The following MANEAL variants were observed in gnomAD, a reference collection of about 807,000 sequenced individuals.
MANEAL encodes the protein mannosidase endo-alpha like.
MANEAL carries 28 observed loss-of-function variants against 35.9 expected under a neutral mutation model. The observed-to-expected ratio is 0.78, with a 90% CI of 0.58 to 1.07. The LOEUF (loss-of-function observed/expected upper bound fraction) is 1.07, where lower values mean the gene tolerates loss of function less well. Ranked by LOEUF, MANEAL falls within the 50% of genes least tolerant of loss-of-function variation. The probability of loss-of-function intolerance (pLI) is 0.00; values close to 1 mark genes in which losing one functional copy is unlikely to be tolerated. For synonymous variants in MANEAL, 286 were observed against 272.2 expected (o/e 1.05, Z -0.50); for missense variants, 576 against 629.6 (o/e 0.91, Z 0.91).
chr1:37,794,243 G>T lies in MANEAL; in HGVS notation c.61G>T (p.Gly21Cys), dbSNP rs1355582441. 10 of 1,334,918 alleles carry T rather than the reference G, an allele frequency of 7.5e-6. No homozygotes were observed. Among genetic ancestry groups the T allele is most frequent in the Non-Finnish European group, 2.9e-6 (3 of 1,025,604 alleles). 82.7% of individuals were successfully genotyped at this position (1,334,918 alleles called of 1,614,324 possible). A position where few individuals can be genotyped will look rare whatever the true frequency, so the allele number is the denominator to read the frequency against. ...GTTCCTGGTGCTGCTCTTCGCCTTC[G>T]GCACCCTCATGGGTCTGCGCACGCT... ...ALFLVLLFAF[G>C]TLMGLRTLKA... The change falls in exon 1 of 4, where the codon GGC becomes TGC. Residue 21 changes from glycine (G) to cysteine (C), a missense_variant. Physicochemically the swap from Gly to Cys is radical, Grantham distance 159. Transcript: ENST00000373045. The surrounding 1 kb of genome is among the most constrained non-coding windows in gnomAD (Gnocchi z 5.7).
At position 37,796,593 on chromosome 1, in the gene MANEAL, C is replaced by A. The variant is rs1211891278; in HGVS notation, c.661-151C>A. 7 of 695,758 alleles carry A rather than the reference C, an allele frequency of 1.0e-5. No homozygotes were observed. In the East Asian group the frequency reaches 1.1e-4, roughly 11 times the overall value. The allele number at this position is 695,758 out of a possible 1,614,324, so 43.1% of individuals were successfully genotyped here. On this transcript the variant is annotated intron_variant, in intron 2 of 3. Coordinates refer to ENST00000373045, the MANE Select transcript of MANEAL (RefSeq NM_001113482.2). Reference sequence around the variant, plus strand: ...TCACCCCTGTTTTGGCCTTCAAGGGCAGCAGCTGCCTTTATCTCTACTGTG... The same window carrying A: ...TCACCCCTGTTTTGGCCTTCAAGGGAAGCAGCTGCCTTTATCTCTACTGTG...
chr1:37,799,127 A>G lies in MANEAL; in HGVS notation c.738-440A>G, dbSNP rs185980713. Among the ~76,000 whole-genome samples, 519 of 152,242 alleles carry G rather than the reference A, an allele frequency of 3.4e-3. 1 individual carries two copies. Among genetic ancestry groups the G allele is most frequent in the East Asian group, 8.5e-3 (44 of 5,180 alleles). ...CGGAGGCAGGGAGAAAATTCCAAGC[A>G]GAGGGCTGGCAGATGCAAGTCCCAT... On this transcript the variant is annotated intron_variant, in intron 3 of 3. Coordinates refer to ENST00000373045, the MANE Select transcript of MANEAL (RefSeq NM_001113482.2). The surrounding 1 kb of genome is among the most constrained non-coding windows in gnomAD (Gnocchi z 4.1).
rs2306627 is a variant in MANEAL, at chr1:37,794,831, C to T, written c.550+99C>T. 211,216 of 784,336 alleles carry T rather than the reference C, an allele frequency of 0.27. 29,726 individuals carry two copies. Among genetic ancestry groups the T allele is most frequent in the Non-Finnish European group, 0.29 (140,838 of 492,092 alleles). 48.6% of individuals were successfully genotyped at this position (784,336 alleles called of 1,614,324 possible). On this transcript the variant is annotated intron_variant, in intron 1 of 3. Transcript: ENST00000373045. The surrounding 1 kb of genome is among the most constrained non-coding windows in gnomAD (Gnocchi z 5.7). Reference sequence around the variant, plus strand: ...TGGTCCTGTCACCGGCCCTTTGGTCCCACTTATCCGCCAGCCTGGCTTCTT... The same window carrying T: ...TGGTCCTGTCACCGGCCCTTTGGTCTCACTTATCCGCCAGCCTGGCTTCTT...
At chr1:37,796,896 T>C (rs1166206607) in intron 3 of MANEAL, 76 bp downstream of exon 3, 2 of 1,372,286 alleles carry the variant, frequency 1.5e-6, no homozygotes, top group African/African-American at 2.9e-5. Context: ...GAGGGGCAGG[T>C]CAAGAGACAC....
intron 3 of MANEAL, among the ~76,000 whole-genome samples, chr1:37,797,422 G>A (rs1171168192): frequency 6.7e-6 from 1 of 149,892 alleles, no homozygotes; most frequent in African/African-American, 2.4e-5. Context: ...AATAAATATT[G>A]AATGAGGCTG....
In MANEAL at chr1:37,794,247, C is replaced by T. The variant is rs769249914; in HGVS notation, c.65C>T (p.Thr22Ile). 2.3e-6 allele frequency: 3 copies of T among 1,331,640 alleles called. No homozygotes were observed. In the Admixed American group the frequency reaches 8.6e-5, roughly 38 times the overall value. 82.5% of individuals were successfully genotyped at this position (1,331,640 alleles called of 1,614,324 possible). A position where few individuals can be genotyped will look rare whatever the true frequency, so the allele number is the denominator to read the frequency against. The change falls in exon 1 of 4, where the codon ACC becomes ATC. Residue 22 changes from threonine (T) to isoleucine (I), a missense_variant. Physicochemically the swap from Thr to Ile is moderately conservative, Grantham distance 89 (BLOSUM62 -1). Coordinates refer to ENST00000373045, the MANE Select transcript of MANEAL (RefSeq NM_001113482.2). This position sits in a 1 kb window ranked among gnomAD's most constrained non-coding sequence, Gnocchi z 5.7. ...LFLVLLFAFG[T>I]LMGLRTLKAP... ...CTGGTGCTGCTCTTCGCCTTCGGCA[C>T]CCTCATGGGTCTGCGCACGCTCAAG...
intron 1 of MANEAL, 190 bp from the exon 2 acceptor site, chr1:37,795,547 T>A: frequency 7.1e-7 from 1 of 1,410,172 alleles, no homozygotes; most frequent in Non-Finnish European, 9.2e-7. Flanking sequence ...GCGCTCCGCT[T>A]CAGCACCGCG....
chr1:37,800,113 C>T lies in MANEAL; in HGVS notation c.1284C>T (p.Asp428=), dbSNP rs1646684802. 2 of 1,613,848 alleles carry T rather than the reference C, an allele frequency of 1.2e-6. No individual in the cohort carries two copies. Residue 428 remains aspartate (D), a synonymous_variant, in exon 4 of 4, where the codon GAC becomes GAT. Coordinates refer to ENST00000373045, the MANE Select transcript of MANEAL (RefSeq NM_001113482.2). ...AGACACCCACCCGCCTGTATTTGGA[C>T]TACCTGCCTCACCAGCCCAGCCTGT... ...PKKTPTRLYL[D]YLPHQPSLYL...
intron 3 of MANEAL, among the ~76,000 whole-genome samples, chr1:37,798,172 G>A (rs1486987529): frequency 6.6e-6 from 1 of 151,344 alleles, no homozygotes; most frequent in African/African-American, 2.4e-5. Flanking sequence ...CAAAAAAAAA[G>A]AGAGTATTGA....
In MANEAL at chr1:37,800,057, G is replaced by A; in HGVS notation, c.1228G>A (p.Gly410Ser). 2 of 1,614,178 alleles carry A rather than the reference G, an allele frequency of 1.2e-6. No homozygotes were observed. Among genetic ancestry groups the A allele is most frequent in the African/African-American group, 2.7e-5 (2 of 75,040 alleles). ...TACCTCCTTCAATGAGTGGCACGAG[G>A]GCACCCAGATTGAGAAGGCCATTCC... ...SITSFNEWHE[G>S]TQIEKAIPKK... The change falls in exon 4 of 4, where the codon GGC becomes AGC. Residue 410 changes from glycine (G) to serine (S), a missense_variant. Gly to Ser is a moderately conservative substitution (Grantham distance 56, BLOSUM62 0). Coordinates refer to ENST00000373045, the MANE Select transcript of MANEAL (RefSeq NM_001113482.2).
chr1:37,799,416 C>G lies in MANEAL; in HGVS notation c.738-151C>G. On this transcript the variant is annotated intron_variant, in intron 3 of 3. Coordinates refer to ENST00000373045, the MANE Select transcript of MANEAL (RefSeq NM_001113482.2). The surrounding 1 kb of genome is among the most constrained non-coding windows in gnomAD (Gnocchi z 4.1). ...CAACTGGAGAGAGGAAGGAGGGAACCAGGTTCTTGCTTAGAGGCATGATGA... is the reference window on the plus strand; with the variant it reads ...CAACTGGAGAGAGGAAGGAGGGAACGAGGTTCTTGCTTAGAGGCATGATGA... 1.2e-6 allele frequency: 1 copy of G among 852,612 alleles called. No individual in the cohort carries two copies. Among genetic ancestry groups the G allele is most frequent in the Non-Finnish European group, 1.8e-6 (1 of 556,258 alleles). 52.8% of individuals were successfully genotyped at this position (852,612 alleles called of 1,614,324 possible).
At chr1:37,797,628 A>G (rs972028127) in intron 3 of MANEAL, among the ~76,000 whole-genome samples, 3 of 151,578 alleles carry the variant, frequency 2.0e-5, no homozygotes, top group Non-Finnish European at 4.4e-5. Flanking sequence ...CCACCACCAC[A>G]CCCAGCTAAC....
rs1168261220 is a variant in MANEAL, at chr1:37,799,648, C to G, written c.819C>G (p.Tyr273Ter). 1.2e-6 allele frequency: 2 copies of G among 1,614,094 alleles called. No homozygotes were observed. The highest frequency in any genetic ancestry group is 2.7e-5 in the African/African-American group (2 of 74,918). ...SLPLFYIYDS[Y>*]LTSPEAWAHL... Reference sequence around the variant, plus strand: ...CACTCTTTTATATCTACGACTCATACCTGACGTCCCCTGAGGCCTGGGCCC... The same window carrying G: ...CACTCTTTTATATCTACGACTCATAGCTGACGTCCCCTGAGGCCTGGGCCC... The change falls in exon 4 of 4, where the codon TAC becomes TAG. Residue 273 changes from tyrosine to a stop codon, truncating the protein, a stop_gained. Coordinates refer to ENST00000373045, the MANE Select transcript of MANEAL (RefSeq NM_001113482.2). LOFTEE classifies it high-confidence loss of function. The surrounding 1 kb of genome is among the most constrained non-coding windows in gnomAD (Gnocchi z 4.1).
At position 37,800,967 on chromosome 1, in the gene MANEAL, T is replaced by A. The variant is rs896623359; in HGVS notation, c.*764T>A. On this transcript the variant is annotated 3_prime_UTR_variant, in exon 4 of 4. Transcript: ENST00000373045. ...TCTTTTTCCTCTAGAAAAATACCTCTGTGCTCCAGAGCCTAATTTTTCCCA... is the reference window on the plus strand; with the variant it reads ...TCTTTTTCCTCTAGAAAAATACCTCAGTGCTCCAGAGCCTAATTTTTCCCA... 1 of 152,666 alleles carries A rather than the reference T, an allele frequency of 6.6e-6. No individual in the cohort carries two copies. The highest frequency in any genetic ancestry group is 1.5e-5 in the Non-Finnish European group (1 of 68,058). 9.5% of individuals were successfully genotyped at this position (152,666 alleles called of 1,614,324 possible). A position where few individuals can be genotyped will look rare whatever the true frequency, so the allele number is the denominator to read the frequency against.
chr1:37,797,199 G>A (rs1036383021), intron 3 of MANEAL, among the ~76,000 whole-genome samples: 3 of 152,020 alleles, frequency 2.0e-5, no homozygotes, highest in Admixed American at 6.6e-5. Context: ...TCAGGAGTTC[G>A]AGACCAGCCT....
chr1:37,795,222 T>C (rs1278607235), intron 1 of MANEAL, among the ~76,000 whole-genome samples: 3 of 152,000 alleles, frequency 2.0e-5, no homozygotes, highest in Admixed American at 6.6e-5. Context: ...GGAGGTAGTG[T>C]TGGGGGTTTA....
intron 2 of MANEAL, among the ~76,000 whole-genome samples, chr1:37,796,190 C>T (rs1646643765): frequency 6.6e-6 from 1 of 152,134 alleles, no homozygotes; most frequent in Non-Finnish European, 1.5e-5. Context: ...TAGTGGGAGG[C>T]AGTGCTGGAC....
In MANEAL at chr1:37,799,887, T is replaced by A; in HGVS notation, c.1058T>A (p.Met353Lys). Residue 353 changes from methionine (M) to lysine (K), a missense_variant, in exon 4 of 4, where the codon ATG (methionine) becomes AAG (lysine). Met to Lys is a moderately conservative substitution (Grantham distance 95). Transcript: ENST00000373045. This position sits in a 1 kb window ranked among gnomAD's most constrained non-coding sequence, Gnocchi z 4.1. ...VKNFCDANNL[M>K]FIPSVGPGYI... is the part of the protein sequence containing the mutation. ...AACTTTTGTGATGCCAACAACCTCA[T>A]GTTCATCCCCAGTGTGGGGCCTGGC... 1 of 1,614,212 alleles carries A rather than the reference T, an allele frequency of 6.2e-7. No individual in the cohort carries two copies. Among genetic ancestry groups the A allele is most frequent in the African/African-American group, 1.3e-5 (1 of 75,042 alleles).
At position 37,794,284 on chromosome 1, in the gene MANEAL, A is replaced by G; in HGVS notation, c.102A>G (p.Gly34=). 8.0e-7 allele frequency: 1 copy of G among 1,247,252 alleles called. No individual in the cohort carries two copies. The highest frequency in any genetic ancestry group is 1.0e-6 in the Non-Finnish European group (1 of 983,330). The allele number at this position is 1,247,252 out of a possible 1,614,324, so 77.3% of individuals were successfully genotyped here. A position where few individuals can be genotyped will look rare whatever the true frequency, so the allele number is the denominator to read the frequency against. The change falls in exon 1 of 4, where the codon GGA becomes GGG. Residue 34 remains glycine (G), a synonymous_variant. Transcript: ENST00000373045. This position sits in a 1 kb window ranked among gnomAD's most constrained non-coding sequence, Gnocchi z 5.7. The stretch of plus-strand genomic sequence containing the variant: ...TGCGCACGCTCAAGGCTCCGGACGG[A>G]CTCCCGGCGCTGGGCCCGGGCCTGG... The part of the protein sequence containing the change: ...MGLRTLKAPD[G]LPALGPGLEL...
Sources: gnomAD v4.1 joint callset for allele counts (sites outside exome capture counted in the v4.1 genomes callset) on GRCh38, gnomAD v4.1.1 for gene constraint, Gnocchi (gnomAD v3.1) non-coding constraint, MANE v1.5 for transcripts, NCBI Gene and HGNC (gene_info 2026-07-23, HGNC 2026-07-21) for gene names.